The following GARRE1 variants were observed in gnomAD, a reference collection of about 807,000 sequenced individuals.
GARRE1 encodes the protein granule associated Rac and RHOG effector 1.
Under a neutral mutation model 103.2 loss-of-function variants are expected in GARRE1, and 49 were observed. The observed-to-expected ratio is 0.47, with a 90% CI of 0.38 to 0.60. The LOEUF is 0.60. GARRE1 is among the 20% of genes least tolerant of loss of function. GARRE1 has a pLI of 0.00. For missense variants in GARRE1, 1,199 were observed against 1,370.5 expected, an observed-to-expected ratio of 0.87 and a Z score of 1.98; for synonymous variants, 505 against 532.8, an observed-to-expected ratio of 0.95 and a Z score of 0.72.
chr19:34,318,824 C>T lies in GARRE1; in HGVS notation c.496-1083C>T, dbSNP rs146129486. Among the ~76,000 whole-genome samples the T allele has an allele frequency of 3.9e-3, 598 of 152,124 alleles. 1 individual carries two copies. The highest frequency in any genetic ancestry group is 0.014 in the African/African-American group (569 of 41,500). The stretch of plus-strand genomic sequence containing the variant: ...TGGGAGGCCGAGGCAGGTGGATCAC[C>T]TGAGGTCAGGAATTCAAGACCAGCC... On this transcript the variant is annotated intron_variant, in intron 2 of 13. Coordinates refer to ENST00000299505, the MANE Select transcript of GARRE1 (RefSeq NM_014686.5).
At position 34,319,913 on chromosome 19, in the gene GARRE1, G is replaced by T; in HGVS notation, c.502G>T (p.Gly168Trp). The change falls in exon 3 of 14, where the codon GGG becomes TGG. Residue 168 changes from glycine to tryptophan, a missense_variant. Transcript: ENST00000299505. ...GGCTGTCTTGTTTTCACAGGTGTTG[G>T]GGCGATGTTTCCTGACTGTGGTGCA... Reference protein sequence around the residue: ...EFSLQDIEVLGRCFLTVVQVH... With the variant: ...EFSLQDIEVLWRCFLTVVQVH... 6.2e-7 allele frequency: 1 copy of T among 1,614,174 alleles called. No homozygotes were observed. The highest frequency in any genetic ancestry group is 1.7e-5 in the Admixed American group (1 of 60,022).
intron 1 of GARRE1, among the ~76,000 whole-genome samples, chr19:34,274,320 G>A (rs1007140588): frequency 1.3e-5 from 2 of 152,066 alleles, no homozygotes; most frequent in African/African-American, 2.4e-5. Flanking sequence ...CAGGAGAATC[G>A]CTTGAACCCA....
intron 1 of GARRE1, among the ~76,000 whole-genome samples, chr19:34,266,789 G>A (rs2073754618): frequency 7.1e-6 from 1 of 141,418 alleles, no homozygotes; most frequent in South Asian, 2.2e-4. Flanking sequence ...TGAATCTTAA[G>A]TTTATCTAAA....
Position 34,341,595 on chromosome 19 carries a change from G to T in GARRE1, c.1661G>T (p.Ser554Ile). The stretch of plus-strand genomic sequence containing the variant: ...AAAGCTTCATGTACCAGCTCCAGCA[G>T]CAGCACAAATTATTCCATCCAAAAT... ...TKKASCTSSS[S>I]STNYSIQNTP... Residue 554 changes from serine to isoleucine, a missense_variant, in exon 10 of 14, where the codon AGC (serine) becomes ATC (isoleucine). Transcript: ENST00000299505. 1 of 1,614,166 alleles carries T rather than the reference G, an allele frequency of 6.2e-7. No homozygotes were observed. Among genetic ancestry groups the T allele is most frequent in the Non-Finnish European group, 8.5e-7 (1 of 1,180,030 alleles).
chr19:34,332,449 A>AT (rs774727910), intron 7 of GARRE1, among the ~76,000 whole-genome samples: 139 of 152,136 alleles, frequency 9.1e-4, no homozygotes, highest in Admixed American at 2.6e-3. Flanking sequence ...AACACTGTAG[A>AT]TTAAAAAAAA....
intron 1 of GARRE1, among the ~76,000 whole-genome samples, chr19:34,264,031 A>T (rs2073736145): frequency 6.6e-6 from 1 of 152,154 alleles, no homozygotes; most frequent in Non-Finnish European, 1.5e-5. Context: ...AACAGTTCCC[A>T]GGAGGTATGT....
chr19:34,314,214 G>A, intron 2 of GARRE1, among the ~76,000 whole-genome samples: 1 of 151,928 alleles, frequency 6.6e-6, no homozygotes, highest in South Asian at 2.1e-4. Flanking sequence ...ATTATTATTA[G>A]GTATGCTAAG....
At chr19:34,306,592 G>T (rs1479155809) in intron 2 of GARRE1, among the ~76,000 whole-genome samples, 1 of 152,190 alleles carries the variant, frequency 6.6e-6, no homozygotes, top group Non-Finnish European at 1.5e-5. Flanking sequence ...CAGTCTCTCT[G>T]TTAGAGAAGT....
chr19:34,352,969 A>AGCCTGCCT lies in GARRE1; in HGVS notation c.*30_*37dup, dbSNP rs72121022. The AGCCTGCCT allele has an allele frequency of 2.0e-6, 3 of 1,488,638 alleles. No homozygotes were observed. Among genetic ancestry groups the AGCCTGCCT allele is most frequent in the Admixed American group, 2.1e-5 (1 of 48,022 alleles). 92.2% of individuals were successfully genotyped at this position (1,488,638 alleles called of 1,614,324 possible). A position where few individuals can be genotyped will look rare whatever the true frequency, so the allele number is the denominator to read the frequency against. ...CCCCAGTACTGACCCCAGGCCAGCC[A>AGCCTGCCT]GCCTGCCTGCCTGCCTGCCTGCCCG... On this transcript the variant is annotated 3_prime_UTR_variant, in exon 14 of 14. Transcript: ENST00000299505.
Position 34,347,857 on chromosome 19 carries a change from A to G in GARRE1, c.2522-20A>G. The G allele has an allele frequency of 6.7e-7, 1 of 1,501,606 alleles. No individual in the cohort carries two copies. Among genetic ancestry groups the G allele is most frequent in the Non-Finnish European group, 9.0e-7 (1 of 1,117,136 alleles). 93.0% of individuals were successfully genotyped at this position (1,501,606 alleles called of 1,614,324 possible). On this transcript the variant is annotated intron_variant, in intron 10 of 13. Coordinates refer to ENST00000299505, the MANE Select transcript of GARRE1 (RefSeq NM_014686.5). The stretch of plus-strand genomic sequence containing the variant: ...GCCAGTTTGTCCCCAAACCCGGTTT[A>G]TTCCTTTGTCCCAATGCAGTGGGCT...
At chr19:34,290,716 T>C (rs1323897777) in intron 1 of GARRE1, among the ~76,000 whole-genome samples, 1 of 151,980 alleles carries the variant, frequency 6.6e-6, no homozygotes, top group Non-Finnish European at 1.5e-5. Context: ...CTTGAACTCC[T>C]GGCCTCAAAT....
At chr19:34,318,572 T>C (rs548988568) in intron 2 of GARRE1, among the ~76,000 whole-genome samples, 15 of 152,212 alleles carry the variant, frequency 9.9e-5, no homozygotes, top group Admixed American at 2.0e-4. Flanking sequence ...ATATAAAATA[T>C]CTTCCACAAA....
At chr19:34,295,027 C>G (rs987340242) in intron 1 of GARRE1, among the ~76,000 whole-genome samples, 5 of 152,196 alleles carry the variant, frequency 3.3e-5, no homozygotes, top group Non-Finnish European at 7.3e-5. Flanking sequence ...ATCAGATTCT[C>G]CTCCCTCTCC....
intron 1 of GARRE1, among the ~76,000 whole-genome samples, chr19:34,260,103 CTTATT>C (rs1458131175): frequency 6.6e-6 from 1 of 152,182 alleles, no homozygotes; most frequent in Non-Finnish European, 1.5e-5. Flanking sequence ...ACTAATAAAC[CTTATT>C]TTAAGAAATT....
intron 2 of GARRE1, among the ~76,000 whole-genome samples, chr19:34,301,549 TAAAC>T (rs1568535966): frequency 6.7e-6 from 1 of 149,216 alleles, no homozygotes; most frequent in African/African-American, 2.5e-5. Flanking sequence ...GAAAAATTAT[TAAAC>T]AAACCAGCCA....
At chr19:34,297,387 T>C (rs1010071773) in intron 1 of GARRE1, among the ~76,000 whole-genome samples, 2 of 152,126 alleles carry the variant, frequency 1.3e-5, no homozygotes, top group Non-Finnish European at 2.9e-5. Context: ...AGAGAAAGTT[T>C]GGAAGTATGT....
At chr19:34,338,657 G>GC (rs910142990) in intron 8 of GARRE1, among the ~76,000 whole-genome samples, 40 of 152,320 alleles carry the variant, frequency 2.6e-4, no homozygotes, top group Middle Eastern at 3.4e-3. Flanking sequence ...AAAGGCAGCA[G>GC]CAAGAGCAAA....
At chr19:34,346,741 T>G (rs949033238) in intron 10 of GARRE1, among the ~76,000 whole-genome samples, 2 of 151,728 alleles carry the variant, frequency 1.3e-5, no homozygotes, top group African/African-American at 4.8e-5. Context: ...CTCAGCCTCC[T>G]GAGTAGCTTG....
rs757633985 is a variant in GARRE1 at position 34,352,723 on chromosome 19, C to T, written c.2981C>T (p.Pro994Leu). Residue 994 changes from proline to leucine, a missense_variant, in exon 14 of 14, where the codon CCC (proline) becomes CTC (leucine). Coordinates refer to ENST00000299505, the MANE Select transcript of GARRE1 (RefSeq NM_014686.5). ...PSPLPSTLPS[P>L]SAPLYAVTSP... is the part of the protein sequence containing the mutation. ...CCGCTTCCCAGCACGCTGCCCAGCC[C>T]CAGCGCACCACTCTATGCAGTCACC... 6.2e-7 allele frequency: 1 copy of T among 1,614,106 alleles called. No individual in the cohort carries two copies. The highest frequency in any genetic ancestry group is 1.7e-5 in the Admixed American group (1 of 60,014).
Sources: allele counts gnomAD v4.1 joint callset (sites outside exome capture counted in the v4.1 genomes callset), GRCh38; gene constraint gnomAD v4.1.1; transcripts MANE v1.5; gene names NCBI Gene and HGNC (gene_info 2026-07-23, HGNC 2026-07-21).